ZBED6: variants seen among roughly 807,000 people sequenced by gnomAD.
The protein encoded by ZBED6 is zinc finger BED domain-containing protein 6.
ZBED6 carries 40 observed loss-of-function variants against 58.4 expected under a neutral mutation model. The observed-to-expected ratio is 0.68, with a 90% CI of 0.53 to 0.89. ZBED6 has a LOEUF of 0.89. Ranked by LOEUF, ZBED6 falls within the 40% of genes least tolerant of loss-of-function variation. The pLI is 0.00. For synonymous variants in ZBED6, 439 were observed against 350.6 expected (o/e 1.25, Z -2.82); for missense variants, 1,057 against 1,003.9 (o/e 1.05, Z -0.71).
chr1:203,815,216 C>T (rs201898643), intron 1 of ZBED6, among the ~76,000 whole-genome samples: 7,826 of 97,286 alleles, frequency 0.08, 948 homozygotes, highest in East Asian at 0.45. Flanking sequence ...CTTTTCTTTT[C>T]TTTTTTTTTT....
chr1:203,852,182 C>T (rs1689476001), exon 17 of ZBED6: 1 of 1,613,604 alleles, frequency 6.2e-7, no homozygotes, highest in Non-Finnish European at 8.5e-7. Flanking sequence ...GATTCCTCAC[C>T]CCCGGAGGTG....
At chr1:203,833,137 A>C (rs1682949839) in intron 8 of ZBED6, among the ~76,000 whole-genome samples, 1 of 152,282 alleles carries the variant, frequency 6.6e-6, no homozygotes, top group Non-Finnish European at 1.5e-5. Flanking sequence ...TGGGAGGCCG[A>C]GGCGGGCAGA....
At chr1:203,804,814 A>G (rs1311690879) in intron 1 of ZBED6, among the ~76,000 whole-genome samples, 1 of 151,788 alleles carries the variant, frequency 6.6e-6, no homozygotes, top group Non-Finnish European at 1.5e-5. Context: ...CTGAGATTAC[A>G]GGCGCATGCC....
exon 1 of ZBED6, chr1:203,798,484 C>T (rs1669399389): frequency 2.6e-6 from 4 of 1,536,070 alleles, no homozygotes; most frequent in Non-Finnish European, 2.6e-6. Flanking sequence ...TGGGCTGTTG[C>T]CAACAAAGAC....
chr1:203,831,527 C>T lies in ZBED6; in HGVS notation c.*3400-134C>T, dbSNP rs556674589. On this transcript the variant is annotated intron_variant, in intron 7 of 16. Coordinates refer to ENST00000550078, the Ensembl canonical transcript of ZBED6. ...CCATTTGACTGTAGGCAAACAGATA[C>T]AGAAAGGCTGATTGGCTTATAGTCA... The T allele has an allele frequency of 6.1e-5, 42 of 688,108 alleles. No homozygotes were observed. The African/African-American group carries it at 7.3e-4, about 12-fold the overall frequency. 42.6% of individuals were successfully genotyped at this position (688,108 alleles called of 1,614,324 possible).
At chr1:203,822,088 C>G (rs1022377926) in intron 3 of ZBED6, among the ~76,000 whole-genome samples, 1 of 152,106 alleles carries the variant, frequency 6.6e-6, no homozygotes, top group African/African-American at 2.4e-5. Flanking sequence ...CATAGTATTA[C>G]AAATTATGAG....
Position 203,799,895 on chromosome 1 carries a change from T to A in ZBED6, c.2373T>A (p.Tyr791Ter). 6.5e-7 allele frequency: 1 copy of A among 1,536,090 alleles called. No individual in the cohort carries two copies. The highest frequency in any genetic ancestry group is 2.4e-5 in the East Asian group (1 of 40,924). ...CTCAAGGTGCTGATTTAGAAACTTA[T>A]AAGCAGTTCCTTGCAGAAGAGGTCT... Residue 791 changes from tyrosine (Y) to a stop codon, truncating the protein, a stop_gained, in exon 1 of 17, where the codon TAT becomes TAA. Coordinates refer to ENST00000550078, the Ensembl canonical transcript of ZBED6. LOFTEE classifies it high-confidence loss of function.
intron 1 of ZBED6, among the ~76,000 whole-genome samples, chr1:203,804,594 C>T (rs1035421932): frequency 3.3e-5 from 5 of 151,330 alleles, no homozygotes; most frequent in Non-Finnish European, 5.9e-5. Flanking sequence ...TTATTATTTT[C>T]AATTTGTTTT....
rs1170105028 is a variant in ZBED6 at position 203,819,079 on chromosome 1, T to A, written c.*2873+390T>A. On this transcript the variant is annotated intron_variant, in intron 3 of 16. Coordinates refer to ENST00000550078, the Ensembl canonical transcript of ZBED6. ...CAACACTCCGTCTCAAAAAAAAAAA[T>A]ATATATATATACACACACACACACA... 2.5e-3 allele frequency among the ~76,000 whole-genome samples: 148 copies of A among 60,070 alleles called. 1 individual carries two copies. Among genetic ancestry groups the A allele is most frequent in the African/African-American group, 6.4e-3 (134 of 21,006 alleles). 39.4% of individuals were successfully genotyped at this position (60,070 alleles called of 152,430 possible). A position where few individuals can be genotyped will look rare whatever the true frequency, so the allele number is the denominator to read the frequency against.
intron 11 of ZBED6, among the ~76,000 whole-genome samples, chr1:203,842,872 A>G (rs1390411807): frequency 6.6e-6 from 1 of 150,688 alleles, no homozygotes; most frequent in Non-Finnish European, 1.5e-5. Context: ...AAGTATATAT[A>G]TGTACAGTTT....
At chr1:203,805,778 C>A in intron 1 of ZBED6, 1 of 702,968 alleles carries the variant, frequency 1.4e-6, no homozygotes, top group Non-Finnish European at 2.7e-6. Flanking sequence ...GTATCCAACT[C>A]TGCTTCTAGG....
chr1:203,841,163 T>A lies in ZBED6; in HGVS notation c.*3741+789T>A, dbSNP rs192523324. ...GAATCTTTTTTTTTTTTTTATTTTT[T>A]TTTTTAGTATTTATTGATCATTCTT... On this transcript the variant is annotated intron_variant, in intron 11 of 16. Coordinates refer to ENST00000550078, the Ensembl canonical transcript of ZBED6. Among the ~76,000 whole-genome samples the A allele has an allele frequency of 2.1e-3, 313 of 151,872 alleles. 2 individuals carry two copies. Among genetic ancestry groups the A allele is most frequent in the African/African-American group, 6.5e-3 (269 of 41,394 alleles).
At chr1:203,849,094 A>T (rs570466495) in intron 13 of ZBED6, among the ~76,000 whole-genome samples, 78 of 152,336 alleles carry the variant, frequency 5.1e-4, no homozygotes, top group East Asian at 9.6e-4. Context: ...CATGTTGTCC[A>T]GAGTGGTCTC....
At chr1:203,840,370 A>G (rs775223769) in exon 11 of ZBED6, 2 of 1,612,432 alleles carry the variant, frequency 1.2e-6, no homozygotes, top group South Asian at 2.2e-5. Context: ...ATGAGGATGC[A>G]ACAGGTAAGT....
At chr1:203,798,686 A>T (rs1669502784) in exon 1 of ZBED6, 1 of 1,536,048 alleles carries the variant, frequency 6.5e-7, no homozygotes, top group East Asian at 2.4e-5. Context: ...TTGCAGAGCA[A>T]GGCACTCTGA....
exon 4 of ZBED6, chr1:203,828,325 T>C (rs1681231881): frequency 1.2e-6 from 2 of 1,613,996 alleles, no homozygotes; most frequent in Admixed American, 1.7e-5. Flanking sequence ...TTCCTTGTTA[T>C]TGGGAAAATC....
chr1:203,839,457 G>GT (rs34169119), intron 10 of ZBED6, among the ~76,000 whole-genome samples: 17,143 of 152,148 alleles, frequency 0.11, 1,301 homozygotes, highest in Non-Finnish European at 0.16. Flanking sequence ...AAGAATAGGT[G>GT]TTTTTTTCCT....
At chr1:203,847,313 C>T (rs377347780) in exon 12 of ZBED6, 1 of 1,613,754 alleles carries the variant, frequency 6.2e-7, no homozygotes, top group African/African-American at 1.3e-5. Flanking sequence ...ACTGATGATT[C>T]TACTTCAGGA....
chr1:203,814,866 T>G (rs1675736913), intron 1 of ZBED6: 2 of 152,252 alleles, frequency 1.3e-5, no homozygotes, highest in Admixed American at 1.3e-4. Flanking sequence ...AGTCTCACTC[T>G]GTTGTCCAGG....
Sources: gnomAD v4.1 joint callset for allele counts (sites outside exome capture counted in the v4.1 genomes callset) on GRCh38, gnomAD v4.1.1 for gene constraint, MANE v1.5 for transcripts, NCBI Gene and HGNC (gene_info 2026-07-23, HGNC 2026-07-21) for gene names.